Variants in KLRC3 observed in about 807,000 individuals in gnomAD.
KLRC3 encodes killer cell lectin like receptor C3.
KLRC3 carries 16 observed loss-of-function variants against 23.6 expected under a neutral mutation model. The observed-to-expected ratio is 0.68, with a 90% CI of 0.46 to 1.03. The LOEUF (loss-of-function observed/expected upper bound fraction) is 1.03. Among genes scored for constraint, KLRC3 ranks in the 50% least tolerant of loss-of-function variants. The pLI is 0.00. For missense variants in KLRC3, 209 were observed against 232.2 expected, an observed-to-expected ratio of 0.90 and a Z score of 0.65; for synonymous variants, 70 against 71.8, an observed-to-expected ratio of 0.98 and a Z score of 0.13.
At chr12:10,418,704 C>T (rs186786397) in intron 3 of KLRC3, among the ~76,000 whole-genome samples, 1 of 152,116 alleles carries the variant, frequency 6.6e-6, no homozygotes. Flanking sequence ...ATTGTGTTCC[C>T]ATATAAAGCA....
At chr12:10,417,774 G>T (rs1863667158) in intron 4 of KLRC3, among the ~76,000 whole-genome samples, 1 of 152,202 alleles carries the variant, frequency 6.6e-6, no homozygotes, top group African/African-American at 2.4e-5. Context: ...ACATAGTACA[G>T]CAGTGAACAG....
chr12:10,416,579 A>C, intron 5 of KLRC3, 88 bp downstream of exon 5: 2 of 1,433,288 alleles, frequency 1.4e-6, no homozygotes, highest in South Asian at 1.4e-5. Context: ...CTTTCTTCAT[A>C]TCAATGATTC....
rs750731555 is a variant in KLRC3 at position 10,418,383 on chromosome 12, G to A, written c.447C>T (p.Asn149=). The change falls in exon 4 of 7, where the codon AAC becomes AAT. Residue 149 remains asparagine (N), a synonymous_variant. Coordinates refer to ENST00000396439, the MANE Select transcript of KLRC3 (RefSeq NM_002261.3). The part of the protein sequence containing the change: ...EESLQACASK[N]SSSLLCIDNE... ...TATCTATACAAAGCAGACTAGAAGA[G>A]TTCTTTGAAGCACAGGCCTGCAAAC... The A allele has an allele frequency of 1.2e-6, 2 of 1,611,732 alleles. No homozygotes were observed. Among genetic ancestry groups the A allele is most frequent in the African/African-American group, 1.3e-5 (1 of 74,852 alleles).
intron 3 of KLRC3, 76 bp downstream of exon 3, chr12:10,418,968 T>C (rs1478835633): frequency 3.2e-6 from 1 of 315,904 alleles, no homozygotes; most frequent in Non-Finnish European, 6.3e-6. Flanking sequence ...AAAATGCCAC[T>C]ATTCTTTTAC....
At chr12:10,416,432 A>T (rs1863644382) in intron 5 of KLRC3, among the ~76,000 whole-genome samples, 1 of 152,238 alleles carries the variant, frequency 6.6e-6, no homozygotes, top group Non-Finnish European at 1.5e-5. Flanking sequence ...TGTGGCCCAC[A>T]GAAGCCAAAG....
At chr12:10,413,244 T>C (rs1263498512) in intron 6 of KLRC3, among the ~76,000 whole-genome samples, 1 of 152,226 alleles carries the variant, frequency 6.6e-6, no homozygotes, top group African/African-American at 2.4e-5. Context: ...GAACCTTATA[T>C]GGTTTTTAAT....
At chr12:10,417,508 G>C (rs1863662353) in intron 4 of KLRC3, among the ~76,000 whole-genome samples, 1 of 152,152 alleles carries the variant, frequency 6.6e-6, no homozygotes, top group South Asian at 2.1e-4. Flanking sequence ...TCGAAGGAGA[G>C]TCCCCTCCAC....
chr12:10,415,666 G>A (rs1863630572), intron 6 of KLRC3, 38 bp downstream of exon 6: 1 of 1,612,272 alleles, frequency 6.2e-7, no homozygotes, highest in Non-Finnish European at 8.5e-7. Flanking sequence ...CTGATGCACT[G>A]CAAGCTCAAG....
Position 10,415,805 on chromosome 12 carries a change from G to GA in KLRC3, c.588-12dup, listed in dbSNP as rs751287088. 16 of 1,580,132 alleles carry GA rather than the reference G, an allele frequency of 1.0e-5. No individual in the cohort carries two copies. Among genetic ancestry groups the GA allele is most frequent in the Non-Finnish European group, 1.4e-5 (16 of 1,152,154 alleles). Reference sequence around the variant, plus strand: ...TCTGAGTCTTTTATCCTGTAATGGAGAAAAATCCATAATTCTGTTACATTT... The same window carrying GA: ...TCTGAGTCTTTTATCCTGTAATGGAGAAAAAATCCATAATTCTGTTACATTT... On this transcript the variant is annotated splice_polypyrimidine_tract_variant and intron_variant, in intron 5 of 6. Coordinates refer to ENST00000396439, the MANE Select transcript of KLRC3 (RefSeq NM_002261.3).
intron 3 of KLRC3, 116 bp from the exon 4 acceptor site, chr12:10,418,614 C>T: frequency 8.3e-7 from 1 of 1,207,620 alleles, no homozygotes; most frequent in Non-Finnish European, 1.2e-6. Flanking sequence ...TGCATCCTTA[C>T]AGGCTTATAA....
chr12:10,416,964 C>T (rs544967571), intron 4 of KLRC3, among the ~76,000 whole-genome samples, 197 bp from the exon 5 acceptor site: 1 of 152,068 alleles, frequency 6.6e-6, no homozygotes, highest in South Asian at 2.1e-4. Context: ...CATTTTAATT[C>T]TTGCAATGTA....
At chr12:10,418,932 G>A (rs968238648) in intron 3 of KLRC3, 112 bp downstream of exon 3, 3 of 182,734 alleles carry the variant, frequency 1.6e-5, no homozygotes, top group African/African-American at 1.3e-4. Flanking sequence ...AATATTTATG[G>A]CTGAATTTAT....
chr12:10,415,816 A>C, intron 5 of KLRC3, 22 bp from the exon 6 acceptor site: 1 of 1,549,716 alleles, frequency 6.5e-7, no homozygotes, highest in Non-Finnish European at 8.9e-7. Flanking sequence ...AAAAATCCAT[A>C]ATTCTGTTAC....
At chr12:10,417,859 G>A (rs1249041055) in intron 4 of KLRC3, among the ~76,000 whole-genome samples, 1 of 152,204 alleles carries the variant, frequency 6.6e-6, no homozygotes, top group African/African-American at 2.4e-5. Flanking sequence ...AGACAGACAT[G>A]AAATTCACAC....
Position 10,418,396 on chromosome 12 carries a change from C to G in KLRC3, c.434G>C (p.Cys145Ser). The change falls in exon 4 of 7, where the codon TGT becomes TCT. Residue 145 changes from cysteine to serine, a missense_variant. Physicochemically the swap from Cys to Ser is moderately radical, Grantham distance 112 (BLOSUM62 -1). This residue lies in a region of KLRC3 where 109 missense variants were observed against 113.2 expected (regional missense o/e 0.96). Transcript: ENST00000396439. ...CAGACTAGAAGAGTTCTTTGAAGCA[C>G]AGGCCTGCAAACTCTCTTCCCAAGT... is the stretch of plus-strand genomic sequence containing the variant. The part of the protein sequence containing the change: ...RRTWEESLQA[C>S]ASKNSSSLLC... The G allele has an allele frequency of 1.2e-6, 2 of 1,612,256 alleles. No homozygotes were observed. The highest frequency in any genetic ancestry group is 3.3e-5 in the Admixed American group (2 of 60,004).
In KLRC3 at chr12:10,412,402, A is replaced by G. The variant is rs1863588362; in HGVS notation, c.*170T>C. On this transcript the variant is annotated 3_prime_UTR_variant, in exon 7 of 7. Coordinates refer to ENST00000396439, the MANE Select transcript of KLRC3 (RefSeq NM_002261.3). ...AAATGACTAATGCTTAAATCAAACT[A>G]TATAGAGAGGGAAAAGTAATTTTTA... is the stretch of plus-strand genomic sequence containing the variant. 3.2e-6 allele frequency: 2 copies of G among 626,634 alleles called. No homozygotes were observed. The highest frequency in any genetic ancestry group is 5.6e-6 in the Non-Finnish European group (2 of 354,276). The allele number at this position is 626,634 out of a possible 1,614,324, so 38.8% of individuals were successfully genotyped here.
rs561798932 is a variant in KLRC3 at position 10,415,481 on chromosome 12, G to A, written c.678+223C>T. 2.3e-5 allele frequency: 16 copies of A among 701,892 alleles called. 1 individual carries two copies. Among genetic ancestry groups the A allele is most frequent in the East Asian group, 1.2e-4 (4 of 34,648 alleles). The allele number at this position is 701,892 out of a possible 1,614,324, so 43.5% of individuals were successfully genotyped here. A position where few individuals can be genotyped will look rare whatever the true frequency, so the allele number is the denominator to read the frequency against. On this transcript the variant is annotated intron_variant, in intron 6 of 6. Transcript: ENST00000396439. Reference sequence around the variant, plus strand: ...GAAGCCTGAATGCCACAAACATCACGTTCAGCAAAATGAGCCTGACTTAAA... The same window carrying A: ...GAAGCCTGAATGCCACAAACATCACATTCAGCAAAATGAGCCTGACTTAAA...
At chr12:10,418,080 T>C (rs1863670686) in intron 4 of KLRC3, among the ~76,000 whole-genome samples, 1 of 152,192 alleles carries the variant, frequency 6.6e-6, no homozygotes, top group Non-Finnish European at 1.5e-5. Context: ...GATCATATCA[T>C]GCTCAATAAA....
intron 1 of KLRC3, 86 bp from the exon 2 acceptor site, chr12:10,420,050 C>G (rs1380259454): frequency 3.0e-6 from 1 of 328,088 alleles, no homozygotes; most frequent in Non-Finnish European, 5.7e-6. Flanking sequence ...TACTAGAGAA[C>G]CCACATGCAC....
Sources: gnomAD v4.1 joint callset for allele counts (sites outside exome capture counted in the v4.1 genomes callset) on GRCh38, gnomAD v4.1.1 for gene constraint, gnomAD v4.1.1 regional missense constraint, MANE v1.5 for transcripts, NCBI Gene and HGNC (gene_info 2026-07-23, HGNC 2026-07-21) for gene names.